The following PHLPP2 variants were observed in gnomAD, a reference collection of about 807,000 sequenced individuals.
The protein encoded by PHLPP2 is PH domain and leucine rich repeat protein phosphatase 2, also known as PH domain leucine-rich repeat-containing protein phosphatase 2.
In PHLPP2, 66 loss-of-function variants were observed where a neutral mutation model predicts 124.9. The observed-to-expected ratio is 0.53, with a 90% CI of 0.43 to 0.65. PHLPP2 has a LOEUF of 0.65. Among genes scored for constraint, PHLPP2 ranks in the 30% least tolerant of loss-of-function variants. The pLI is 0.00. For missense variants in PHLPP2, 1,685 were observed against 1,600.4 expected (o/e 1.05, Z -0.90); for synonymous variants, 681 against 624.7 (o/e 1.09, Z -1.34).
At chr16:71,670,441 G>GA (rs2044881315) in intron 10 of PHLPP2, among the ~76,000 whole-genome samples, 1 of 152,144 alleles carries the variant, frequency 6.6e-6, no homozygotes, top group African/African-American at 2.4e-5. Context: ...CATGTTTGGA[G>GA]AAAAGAGAGC....
intron 11 of PHLPP2, among the ~76,000 whole-genome samples, chr16:71,668,311 GA>G: frequency 1.3e-5 from 2 of 150,782 alleles, no homozygotes; most frequent in Middle Eastern, 7.0e-3. Context: ...AGCTACTCCG[GA>G]AGCTGAGGCA....
chr16:71,708,081 T>A (rs1158445256), intron 2 of PHLPP2, among the ~76,000 whole-genome samples: 1 of 152,140 alleles, frequency 6.6e-6, no homozygotes, highest in Non-Finnish European at 1.5e-5. Context: ...CCGCCCCTAA[T>A]CCTGCTCGAA....
At position 71,649,012 on chromosome 16, in the gene PHLPP2, G is replaced by A; in HGVS notation, c.3850C>T (p.Pro1284Ser). The A allele has an allele frequency of 1.9e-6, 3 of 1,614,068 alleles. No individual in the cohort carries two copies. The highest frequency in any genetic ancestry group is 2.5e-6 in the Non-Finnish European group (3 of 1,179,972). ...QMEPEDQFVV[P>S]HDLEEEVKEQ... is the part of the protein sequence containing the mutation. Reference sequence around the variant, plus strand: ...TTCACTTCTTCTTCCAGGTCATGAGGCACAACAAACTGGTCCTCTGGTTCC... The same window carrying A: ...TTCACTTCTTCTTCCAGGTCATGAGACACAACAAACTGGTCCTCTGGTTCC... The change falls in exon 19 of 19, where the codon CCT becomes TCT. Residue 1284 changes from proline (P) to serine (S), a missense_variant. Physicochemically the swap from Pro to Ser is moderately conservative, Grantham distance 74. Transcript: ENST00000568954.
At chr16:71,686,346 AT>A (rs910400432) in intron 4 of PHLPP2, among the ~76,000 whole-genome samples, 1 of 151,606 alleles carries the variant, frequency 6.6e-6, no homozygotes, top group Non-Finnish European at 1.5e-5. Flanking sequence ...CTAATTTTTT[AT>A]TTTTTTGTAG....
intron 2 of PHLPP2, among the ~76,000 whole-genome samples, chr16:71,705,718 G>A (rs923287013): frequency 1.3e-5 from 2 of 152,164 alleles, no homozygotes; most frequent in Non-Finnish European, 2.9e-5. Flanking sequence ...TATCATACTG[G>A]CCAGGCTGCT....
At chr16:71,688,638 G>C (rs1327493935) in intron 4 of PHLPP2, among the ~76,000 whole-genome samples, 3 of 141,102 alleles carry the variant, frequency 2.1e-5, no homozygotes, top group Non-Finnish European at 4.5e-5. Flanking sequence ...ATGTGTGTGA[G>C]AGGGAGTTTA....
At position 71,690,600 on chromosome 16, in the gene PHLPP2, G is replaced by A. The variant is rs766171524; in HGVS notation, c.528C>T (p.Leu176=). Residue 176 remains leucine, a synonymous_variant, in exon 4 of 19, where the codon CTC becomes CTT. Coordinates refer to ENST00000568954, the MANE Select transcript of PHLPP2 (RefSeq NM_015020.3). ...LHKWAERLVV[L]CGTCLIVSSV... ...AGGAAACGATAAGGCAGGTACCACA[G>A]AGGACAACTAGGCGCTCAGCCCACT... 6 of 1,612,500 alleles carry A rather than the reference G, an allele frequency of 3.7e-6. No homozygotes were observed. The highest frequency in any genetic ancestry group is 4.2e-6 in the Non-Finnish European group (5 of 1,178,528).
chr16:71,677,453 C>CATATAT lies in PHLPP2; in HGVS notation c.1269-810_1269-805dup, dbSNP rs9302629. The CATATAT allele has an allele frequency of 7.9e-4, 106 of 133,726 alleles. 1 individual carries two copies. The highest frequency in any genetic ancestry group is 1.6e-3 in the African/African-American group (55 of 34,708). The allele number at this position is 133,726 out of a possible 1,614,324, so 8.3% of individuals were successfully genotyped here. On this transcript the variant is annotated intron_variant, in intron 8 of 18. Transcript: ENST00000568954. ...TTAACAGACAAGGAAATAATCTGCA[C>CATATAT]ATATATATATATATATATATATATA...
intron 9 of PHLPP2, among the ~76,000 whole-genome samples, chr16:71,672,757 A>G (rs964150543): frequency 6.6e-5 from 10 of 152,262 alleles, no homozygotes; most frequent in Non-Finnish European, 1.0e-4. Context: ...GAACATTACC[A>G]GCTCCCTGGG....
At chr16:71,680,082 CAA>C (rs879593771) in intron 6 of PHLPP2, among the ~76,000 whole-genome samples, 1 of 130,586 alleles carries the variant, frequency 7.7e-6, no homozygotes. Context: ...GACTCTGTCT[CAA>C]AAAAAAAAAA....
At chr16:71,667,155 G>A (rs753405199) in intron 12 of PHLPP2, 23 bp downstream of exon 12, 35 of 1,599,340 alleles carry the variant, frequency 2.2e-5, no homozygotes, top group East Asian at 4.5e-5. Flanking sequence ...CTGCTCTTCC[G>A]AAAAAAATCC....
At position 71,669,272 on chromosome 16, in the gene PHLPP2, T is replaced by A. The variant is rs532198868; in HGVS notation, c.1628+3A>T. The A allele has an allele frequency of 1.3e-6, 2 of 1,589,016 alleles. No homozygotes were observed. Among genetic ancestry groups the A allele is most frequent in the South Asian group, 1.1e-5 (1 of 90,610 alleles). ...CATAATATATGCATCCAGGCACACA[T>A]ACCTCACGGGAACCTCTGTGAGAAG... On this transcript the variant is annotated splice_donor_region_variant and intron_variant, in intron 11 of 18. Coordinates refer to ENST00000568954, the MANE Select transcript of PHLPP2 (RefSeq NM_015020.3).
At chr16:71,685,129 G>A (rs998130699) in intron 4 of PHLPP2, among the ~76,000 whole-genome samples, 14 of 152,070 alleles carry the variant, frequency 9.2e-5, no homozygotes, top group South Asian at 2.1e-4. Context: ...AGTTCGAGAC[G>A]AGCCTGATCA....
At chr16:71,678,352 C>A in intron 8 of PHLPP2, 1 of 179,140 alleles carries the variant, frequency 5.6e-6, no homozygotes, top group East Asian at 1.6e-4. Flanking sequence ...TTCAAAAAAC[C>A]TAAAGTTATG....
chr16:71,720,321 T>C (rs979645940), intron 1 of PHLPP2, among the ~76,000 whole-genome samples: 9 of 151,858 alleles, frequency 5.9e-5, no homozygotes, highest in East Asian at 2.0e-4. Flanking sequence ...TTTCACTATG[T>C]TGGCCAGGCT....
At chr16:71,689,966 C>T (rs1290107345) in intron 4 of PHLPP2, among the ~76,000 whole-genome samples, 6 of 152,118 alleles carry the variant, frequency 3.9e-5, no homozygotes, top group African/African-American at 7.2e-5. Context: ...AGATTCAAAA[C>T]AGAGTAAAAT....
intron 5 of PHLPP2, among the ~76,000 whole-genome samples, chr16:71,682,363 A>T (rs2045009285): frequency 6.6e-6 from 1 of 151,678 alleles, no homozygotes; most frequent in South Asian, 2.1e-4. Context: ...TTGTATTTTT[A>T]GTAGAGACGG....
rs139217948 is a variant in PHLPP2 at position 71,714,678 on chromosome 16, T to C, written c.118A>G (p.Thr40Ala). The C allele has an allele frequency of 1.1e-5, 17 of 1,613,514 alleles. No individual in the cohort carries two copies. The Middle Eastern group carries it at 6.6e-4, about 62-fold the overall frequency. ...RGCVYLYGAD[T>A]TTATTTTTTS... ...GTGGTGGTTGTAGTGGCAGTGGTAG[T>C]GTCTGCTCCATAAAGGTAAACACAG... The change falls in exon 2 of 19, where the codon ACT (threonine) becomes GCT (alanine). Residue 40 changes from threonine (T) to alanine (A), a missense_variant. Thr to Ala is a moderately conservative substitution (Grantham distance 58, BLOSUM62 0). Coordinates refer to ENST00000568954, the MANE Select transcript of PHLPP2 (RefSeq NM_015020.3).
chr16:71,714,847 T>G (rs2045350177), intron 1 of PHLPP2, 46 bp from the exon 2 acceptor site: 22 of 1,571,440 alleles, frequency 1.4e-5, no homozygotes, highest in Non-Finnish European at 1.8e-5. Context: ...AACATCTGAC[T>G]GAATTAGACA....
Sources: gnomAD v4.1 joint callset for allele counts (sites outside exome capture counted in the v4.1 genomes callset) on GRCh38, gnomAD v4.1.1 for gene constraint, MANE v1.5 for transcripts, NCBI Gene and HGNC (gene_info 2026-07-23, HGNC 2026-07-21) for gene names.